The following CYSTM1 variants were observed in gnomAD, a reference collection of about 807,000 sequenced individuals.
The protein encoded by CYSTM1 is cysteine rich transmembrane module containing 1.
In CYSTM1, 4 loss-of-function variants were observed where a neutral mutation model predicts 13.1. That is an observed-to-expected ratio of 0.31 (90% confidence interval 0.15 to 0.70). The LOEUF is 0.70. Among genes scored for constraint, CYSTM1 ranks in the 30% least tolerant of loss-of-function variants. The pLI is 0.72. For synonymous variants in CYSTM1, 36 were observed against 42.7 expected, an observed-to-expected ratio of 0.84 and a Z score of 0.62; for missense variants, 96 against 121.6, an observed-to-expected ratio of 0.79 and a Z score of 0.99.
chr5:140,208,503 G>GCTT lies in CYSTM1; in HGVS notation c.187+13851_187+13852insCTT, dbSNP rs1253917233. 2.2e-3 allele frequency among the ~76,000 whole-genome samples: 334 copies of GCTT among 152,078 alleles called. 1 individual carries two copies. Among genetic ancestry groups the GCTT allele is most frequent in the African/African-American group, 7.7e-3 (321 of 41,480 alleles). On this transcript the variant is annotated intron_variant, in intron 2 of 2. Coordinates refer to ENST00000261811, the MANE Select transcript of CYSTM1 (RefSeq NM_032412.4). ...AAGAATAGTTAGAAAGAATGAATGA[G>GCTT]TCTGGTATTTGCTAGCACAACAGAG...
At chr5:140,184,290 A>G (rs1763992165) in intron 1 of CYSTM1, among the ~76,000 whole-genome samples, 1 of 152,142 alleles carries the variant, frequency 6.6e-6, no homozygotes, top group Non-Finnish European at 1.5e-5. Context: ...AGCGTCATAT[A>G]GCAGCAGTTC....
chr5:140,224,033 G>A (rs149452172), intron 2 of CYSTM1, among the ~76,000 whole-genome samples: 22 of 152,350 alleles, frequency 1.4e-4, no homozygotes, highest in African/African-American at 3.4e-4. Context: ...TGTCTCAGGT[G>A]GAGGCAGGGT....
chr5:140,228,644 G>A (rs1241140799), intron 2 of CYSTM1: 1 of 397,460 alleles, frequency 2.5e-6, no homozygotes, highest in Non-Finnish European at 4.4e-6. Flanking sequence ...TGCAGAGTGT[G>A]GTAAGTTCTA....
intron 1 of CYSTM1, among the ~76,000 whole-genome samples, chr5:140,185,686 A>G (rs1764008217): frequency 6.6e-6 from 1 of 152,234 alleles, no homozygotes; most frequent in Non-Finnish European, 1.5e-5. Flanking sequence ...CACTGCTACC[A>G]TCTTTAAAAA....
At position 140,230,316 on chromosome 5, in the gene CYSTM1, C is replaced by T. The variant is rs1481644108; in HGVS notation, c.188-12989C>T. Among the ~76,000 whole-genome samples the T allele has an allele frequency of 6.6e-6, 1 of 152,178 alleles. No homozygotes were observed. The highest frequency in any genetic ancestry group is 1.5e-5 in the Non-Finnish European group (1 of 68,034). On this transcript the variant is annotated intron_variant, in intron 2 of 2. Coordinates refer to ENST00000261811, the MANE Select transcript of CYSTM1 (RefSeq NM_032412.4). The surrounding 1 kb of genome is among the most constrained non-coding windows in gnomAD (Gnocchi z 4.1). ...TGCCTGATGTGCTAGAAGCCAATTCCATGACACTGGGTTTTTGAGAAAAGA... is the reference window on the plus strand; with the variant it reads ...TGCCTGATGTGCTAGAAGCCAATTCTATGACACTGGGTTTTTGAGAAAAGA...
chr5:140,187,966 A>G (rs1298304694), intron 1 of CYSTM1, among the ~76,000 whole-genome samples: 1 of 152,202 alleles, frequency 6.6e-6, no homozygotes, highest in East Asian at 1.9e-4. Context: ...GATTTTGACT[A>G]GATCATTAAC....
At chr5:140,183,581 C>G (rs1197027176) in intron 1 of CYSTM1, among the ~76,000 whole-genome samples, 1 of 152,180 alleles carries the variant, frequency 6.6e-6, no homozygotes, top group Admixed American at 6.5e-5. Flanking sequence ...GACCAGAGTC[C>G]CTGAACTGAG....
At chr5:140,206,271 C>T (rs983568714) in intron 2 of CYSTM1, among the ~76,000 whole-genome samples, 8 of 151,580 alleles carry the variant, frequency 5.3e-5, no homozygotes, top group African/African-American at 1.9e-4. Flanking sequence ...CCCACTGGCA[C>T]TCTCTGTCCC....
At chr5:140,197,224 T>C (rs772775775) in intron 2 of CYSTM1, among the ~76,000 whole-genome samples, 89 of 152,236 alleles carry the variant, frequency 5.8e-4, no homozygotes, top group Non-Finnish European at 1.2e-3. Flanking sequence ...CTTTGTCCAC[T>C]GTTCATGCAG....
At chr5:140,223,711 T>C (rs1350678415) in intron 2 of CYSTM1, among the ~76,000 whole-genome samples, 5 of 152,142 alleles carry the variant, frequency 3.3e-5, no homozygotes, top group African/African-American at 1.2e-4. Context: ...TTCAGCTGGG[T>C]CCCTGGCCTA....
intron 1 of CYSTM1, among the ~76,000 whole-genome samples, chr5:140,183,278 A>G (rs956666223): frequency 6.6e-6 from 1 of 151,942 alleles, no homozygotes; most frequent in Non-Finnish European, 1.5e-5. Flanking sequence ...CTCTCTCTCC[A>G]TGCCCTAACC....
At chr5:140,241,886 G>A (rs1764753356) in intron 2 of CYSTM1, among the ~76,000 whole-genome samples, 2 of 152,212 alleles carry the variant, frequency 1.3e-5, no homozygotes, top group Admixed American at 6.5e-5. Context: ...AGTTGGGTAT[G>A]AGCAAGCCTG....
At chr5:140,212,222 GC>G (rs1163367007) in intron 2 of CYSTM1, among the ~76,000 whole-genome samples, 1 of 152,056 alleles carries the variant, frequency 6.6e-6, no homozygotes, top group Non-Finnish European at 1.5e-5. Context: ...GTCATGCACC[GC>G]CGCATAAGGA....
At chr5:140,226,586 T>TTATATATATATATATATATATA (rs549334525) in intron 2 of CYSTM1, among the ~76,000 whole-genome samples, 22 of 75,242 alleles carry the variant, frequency 2.9e-4, no homozygotes, top group Non-Finnish European at 3.5e-4. Flanking sequence ...ATACTAAATA[T>TTATATATATATATATATATATA]TATATATATA....
chr5:140,211,162 T>G (rs1764361904), intron 2 of CYSTM1, among the ~76,000 whole-genome samples: 1 of 152,254 alleles, frequency 6.6e-6, no homozygotes, highest in South Asian at 2.1e-4. Flanking sequence ...GTAGTTATTA[T>G]GTGTCAAGCA....
intron 1 of CYSTM1, among the ~76,000 whole-genome samples, chr5:140,177,518 G>A (rs969857417): frequency 1.3e-5 from 2 of 152,174 alleles, no homozygotes; most frequent in African/African-American, 4.8e-5. Context: ...GTGAAAGGCA[G>A]GTTTGGGAAT....
At chr5:140,210,519 C>CT (rs5871729) in intron 2 of CYSTM1, among the ~76,000 whole-genome samples, 27 of 148,122 alleles carry the variant, frequency 1.8e-4, no homozygotes, top group Admixed American at 2.0e-4. Context: ...TATTTTTCTT[C>CT]TTTTTTTTTT....
chr5:140,221,508 A>G (rs1227115735), intron 2 of CYSTM1, among the ~76,000 whole-genome samples: 1 of 152,210 alleles, frequency 6.6e-6, no homozygotes, highest in East Asian at 1.9e-4. Context: ...ACTTAGCACA[A>G]TGTCCTCAAG....
chr5:140,206,790 C>T (rs1764304090), intron 2 of CYSTM1, among the ~76,000 whole-genome samples: 1 of 152,132 alleles, frequency 6.6e-6, no homozygotes, highest in Non-Finnish European at 1.5e-5. Context: ...GCCATTGTAC[C>T]TAGCTAATTT....
Sources: gnomAD v4.1 joint callset for allele counts (sites outside exome capture counted in the v4.1 genomes callset) on GRCh38, gnomAD v4.1.1 for gene constraint, Gnocchi (gnomAD v3.1) non-coding constraint, MANE v1.5 for transcripts, NCBI Gene and HGNC (gene_info 2026-07-23, HGNC 2026-07-21) for gene names.